GNB4: variants seen among roughly 807,000 people sequenced by gnomAD.
GNB4 encodes the protein guanine nucleotide-binding protein subunit beta-4.
GNB4 carries 28 observed loss-of-function variants against 45.2 expected under a neutral mutation model. That is an observed-to-expected ratio of 0.62 (90% confidence interval 0.46 to 0.85). The LOEUF (loss-of-function observed/expected upper bound fraction) is 0.85. Ranked by LOEUF, GNB4 falls within the 40% of genes least tolerant of loss-of-function variation. The pLI, the probability that GNB4 is intolerant of heterozygous loss-of-function variation, is 0.00. For synonymous variants in GNB4, 132 were observed against 143.7 expected, an observed-to-expected ratio of 0.92 and a Z score of 0.58; for missense variants, 321 against 425.4, an observed-to-expected ratio of 0.75 and a Z score of 2.16.
At chr3:179,462,013 G>A in the GNB4 span, among the ~76,000 whole-genome samples, 4 of 152,192 alleles carry the variant, frequency 2.6e-5, no homozygotes, top group African/African-American at 4.8e-5. Flanking sequence ...GTTGTTTACT[G>A]AATTATATGT....
chr3:179,524,901 A>G, the GNB4 span, among the ~76,000 whole-genome samples: 1 of 152,132 alleles, frequency 6.6e-6, no homozygotes, highest in Non-Finnish European at 1.5e-5. Context: ...TGTAAGCTGG[A>G]CCAGGTGTGA....
At chr3:179,500,251 A>G in the GNB4 span, among the ~76,000 whole-genome samples, 1 of 152,142 alleles carries the variant, frequency 6.6e-6, no homozygotes, top group African/African-American at 2.4e-5. Context: ...TCTTGAGTTA[A>G]TTTTTGTATA....
At chr3:179,473,894 G>A in the GNB4 span, among the ~76,000 whole-genome samples, 19,197 of 152,198 alleles carry the variant, frequency 0.13, 1,516 homozygotes, top group African/African-American at 0.21. Flanking sequence ...GGCAATTACT[G>A]TCTTTGGCTT....
intron 1 of GNB4, among the ~76,000 whole-genome samples, chr3:179,434,112 C>T (rs1715381552): frequency 6.6e-6 from 1 of 152,182 alleles, no homozygotes; most frequent in African/African-American, 2.4e-5. Flanking sequence ...TTCAATTCTG[C>T]TTCTGGATAT....
the GNB4 span, among the ~76,000 whole-genome samples, chr3:179,498,467 T>C: frequency 0.75 from 114,088 of 152,150 alleles, 43,201 homozygotes; most frequent in East Asian, 0.98. Context: ...GACAGAGTCT[T>C]GCTTTGTTGC....
the GNB4 span, among the ~76,000 whole-genome samples, chr3:179,481,368 A>G: frequency 0.75 from 113,485 of 152,034 alleles, 42,793 homozygotes; most frequent in East Asian, 0.97. Context: ...AGAGTGCAGC[A>G]TTGTGATCAG....
At chr3:179,476,932 T>A in the GNB4 span, among the ~76,000 whole-genome samples, 1 of 152,154 alleles carries the variant, frequency 6.6e-6, no homozygotes, top group Non-Finnish European at 1.5e-5. Context: ...CTCTTGCACC[T>A]TAAGTCTTTT....
At chr3:179,457,684 A>G in the GNB4 span, among the ~76,000 whole-genome samples, 14 of 152,330 alleles carry the variant, frequency 9.2e-5, no homozygotes, top group African/African-American at 3.4e-4. Flanking sequence ...CTATTTAAGA[A>G]CAAATAGAGT....
At chr3:179,474,737 CT>C in the GNB4 span, among the ~76,000 whole-genome samples, 230 of 59,710 alleles carry the variant, frequency 3.9e-3, no homozygotes, top group Non-Finnish European at 4.9e-3. Context: ...AGACTGGGTC[CT>C]TTTTTTTTTT....
the GNB4 span, among the ~76,000 whole-genome samples, chr3:179,498,223 A>G: frequency 2.6e-5 from 4 of 152,240 alleles, no homozygotes; most frequent in Non-Finnish European, 5.9e-5. Context: ...TTACAGGTTT[A>G]GTTCTCAGGA....
At chr3:179,523,879 A>G in the GNB4 span, among the ~76,000 whole-genome samples, 1 of 152,184 alleles carries the variant, frequency 6.6e-6, no homozygotes, top group Non-Finnish European at 1.5e-5. Flanking sequence ...AGGGAAGCAG[A>G]TAATTTAGTT....
the GNB4 span, among the ~76,000 whole-genome samples, chr3:179,520,252 TC>T: frequency 2.7e-5 from 4 of 149,054 alleles, no homozygotes; most frequent in East Asian, 6.1e-4. Flanking sequence ...ATTACTTCAG[TC>T]GAGCCCAAAT....
the GNB4 span, among the ~76,000 whole-genome samples, chr3:179,495,071 T>C: frequency 6.6e-6 from 1 of 151,904 alleles, no homozygotes; most frequent in East Asian, 1.9e-4. Flanking sequence ...ACTTAAATTG[T>C]CAAAAGCTGA....
chr3:179,397,601 ATGTGGTG>A lies in GNB4; in HGVS notation c.*3605_*3611del, dbSNP rs1714157707. The A allele has an allele frequency of 6.6e-6, 1 of 152,652 alleles. No homozygotes were observed. The highest frequency in any genetic ancestry group is 1.5e-5 in the Non-Finnish European group (1 of 68,046). 9.5% of individuals were successfully genotyped at this position (152,652 alleles called of 1,614,324 possible). A position where few individuals can be genotyped will look rare whatever the true frequency, so the allele number is the denominator to read the frequency against. On this transcript the variant is annotated 3_prime_UTR_variant, in exon 10 of 10. Transcript: ENST00000232564. ...TCTTTGCCTCTGAAGACGGAATTCA[ATGTGGTG>A]TGTGTAATCACAAGTAAAAACTTGA... is the stretch of plus-strand genomic sequence containing the variant.
chr3:179,420,972 A>C, intron 2 of GNB4, 45 bp from the exon 3 acceptor site: 1 of 1,106,168 alleles, frequency 9.0e-7, no homozygotes, highest in Non-Finnish European at 1.4e-6. Context: ...CAACCTGTGG[A>C]ATGACTAAAG....
chr3:179,480,735 C>T, the GNB4 span, among the ~76,000 whole-genome samples: 3 of 152,094 alleles, frequency 2.0e-5, no homozygotes, highest in African/African-American at 7.2e-5. Flanking sequence ...TAACACTGGC[C>T]TTTTCTTGCC....
intron 8 of GNB4, among the ~76,000 whole-genome samples, chr3:179,408,787 G>C (rs1346842907): frequency 7.0e-6 from 1 of 142,034 alleles, no homozygotes; most frequent in Non-Finnish European, 1.5e-5. Context: ...GCGAGAGTCA[G>C]TATCAAAAAA....
chr3:179,407,418 C>T (rs1714504376), intron 8 of GNB4, among the ~76,000 whole-genome samples: 1 of 152,198 alleles, frequency 6.6e-6, no homozygotes, highest in African/African-American at 2.4e-5. Context: ...GAGATCATGC[C>T]ACTGCACTCC....
At chr3:179,466,657 C>T in the GNB4 span, among the ~76,000 whole-genome samples, 11 of 152,074 alleles carry the variant, frequency 7.2e-5, no homozygotes, top group African/African-American at 2.4e-4. Flanking sequence ...CCAAGGTGAC[C>T]AAAATTTTAT....
Sources: gnomAD v4.1 joint callset for allele counts (sites outside exome capture counted in the v4.1 genomes callset) on GRCh38, gnomAD v4.1.1 for gene constraint, MANE v1.5 for transcripts, NCBI Gene and HGNC (gene_info 2026-07-23, HGNC 2026-07-21) for gene names.